RFX7: variants seen among roughly 807,000 people sequenced by gnomAD.
The protein encoded by RFX7 is regulatory factor X7, also known as DNA-binding protein RFX7.
RFX7 carries 26 observed loss-of-function variants against 111.8 expected under a neutral mutation model. The ratio of observed to expected loss-of-function variants is 0.23; its 90% confidence interval spans 0.17 to 0.32. The LOEUF is 0.32. Ranked by LOEUF, RFX7 falls within the 10% of genes least tolerant of loss-of-function variation. RFX7 has a pLI of 1.00. For missense variants in RFX7, 1,573 were observed against 1,772.9 expected, an observed-to-expected ratio of 0.89 and a Z score of 2.02; for synonymous variants, 624 against 624.4, an observed-to-expected ratio of 1.00 and a Z score of 0.01.
chr15:56,163,683 A>G (rs541458671), intron 3 of RFX7, among the ~76,000 whole-genome samples: 23 of 152,306 alleles, frequency 1.5e-4, no homozygotes, highest in African/African-American at 5.3e-4. Context: ...AGAAGGCAAC[A>G]TGTTTTACAC....
chr15:56,100,413 AG>A (rs1343441884), intron 8 of RFX7, among the ~76,000 whole-genome samples: 1 of 152,186 alleles, frequency 6.6e-6, no homozygotes, highest in Non-Finnish European at 1.5e-5. Context: ...ACAAAAGGAG[AG>A]GTTACACACA....
At chr15:56,190,341 G>C (rs1157167740) in intron 2 of RFX7, among the ~76,000 whole-genome samples, 3 of 152,110 alleles carry the variant, frequency 2.0e-5, no homozygotes, top group African/African-American at 7.2e-5. Flanking sequence ...CTGTACCCTT[G>C]GGTATGATTG....
intron 6 of RFX7, among the ~76,000 whole-genome samples, chr15:56,103,115 T>C (rs1228430601): frequency 6.7e-6 from 1 of 150,184 alleles, no homozygotes; most frequent in Non-Finnish European, 1.5e-5. Context: ...GTGTTTCTGT[T>C]AAAGTTCCAT....
intron 2 of RFX7, among the ~76,000 whole-genome samples, chr15:56,230,800 G>C (rs561891982): frequency 6.6e-6 from 1 of 152,282 alleles, no homozygotes; most frequent in East Asian, 1.9e-4. Flanking sequence ...CAATGATTAA[G>C]ATGTAATTAA....
intron 2 of RFX7, among the ~76,000 whole-genome samples, chr15:56,201,069 G>C (rs2141181254): frequency 6.6e-6 from 1 of 152,258 alleles, no homozygotes; most frequent in African/African-American, 2.4e-5. Flanking sequence ...GGCATATCCA[G>C]GTAATGGTGC....
chr15:56,144,296 A>C (rs2042439484), intron 4 of RFX7, 105 bp downstream of exon 4: 1 of 346,990 alleles, frequency 2.9e-6, no homozygotes. Flanking sequence ...TAATCATTTC[A>C]GGAATATTGC....
In RFX7 at chr15:56,117,664, T is replaced by C. The variant is rs139712607; in HGVS notation, c.402-13994A>G. ...TCCCAGCACCTAGTATCTTCTGTTC[T>C]ACCTTTTACTTCTGTGAAACGAACT... On this transcript the variant is annotated intron_variant, in intron 5 of 9. Coordinates refer to ENST00000559447, the MANE Select transcript of RFX7 (RefSeq NM_022841.7). Among the ~76,000 whole-genome samples the C allele has an allele frequency of 1.2e-3, 177 of 152,262 alleles. 1 individual carries two copies. The highest frequency in any genetic ancestry group is 4.1e-3 in the African/African-American group (169 of 41,562).
intron 2 of RFX7, among the ~76,000 whole-genome samples, chr15:56,186,214 C>T (rs2043036306): frequency 6.6e-6 from 1 of 152,144 alleles, no homozygotes; most frequent in African/African-American, 2.4e-5. Flanking sequence ...TCCTATTTCA[C>T]AGGTAAAAAT....
At chr15:56,227,548 T>G (rs2043498668) in intron 2 of RFX7, among the ~76,000 whole-genome samples, 1 of 152,208 alleles carries the variant, frequency 6.6e-6, no homozygotes, top group South Asian at 2.1e-4. Flanking sequence ...TTGGTTGCTC[T>G]AGAGTTTGCA....
At position 56,096,180 on chromosome 15, in the gene RFX7, G is replaced by A. The variant is rs762526837; in HGVS notation, c.1548C>T (p.Val516=). The change falls in exon 10 of 10, where the codon GTC becomes GTT. Residue 516 remains valine (V), a synonymous_variant. Coordinates refer to ENST00000559447, the MANE Select transcript of RFX7 (RefSeq NM_022841.7). ...RSVPQIKNGS[V]VSLQSPGSRS... Reference sequence around the variant, plus strand: ...TGGACCCAGGAGACTGAAGCGACACGACAGAACCATTCTTGATCTGTGGAA... The same window carrying A: ...TGGACCCAGGAGACTGAAGCGACACAACAGAACCATTCTTGATCTGTGGAA... 1.1e-5 allele frequency: 17 copies of A among 1,613,854 alleles called. No individual in the cohort carries two copies. The highest frequency in any genetic ancestry group is 3.3e-5 in the Admixed American group (2 of 59,998).
chr15:56,219,767 G>A (rs1357408381), intron 2 of RFX7, among the ~76,000 whole-genome samples: 1 of 152,158 alleles, frequency 6.6e-6, no homozygotes, highest in Non-Finnish European at 1.5e-5. Flanking sequence ...GTCTACCATG[G>A]ATTGTCATTT....
Position 56,095,166 on chromosome 15 carries a change from C to G in RFX7, c.2562G>C (p.Gln854His), listed in dbSNP as rs75413411. Residue 854 changes from glutamine to histidine, a missense_variant, in exon 10 of 10, where the codon CAG (glutamine) becomes CAC (histidine). Gln to His is a conservative substitution (Grantham distance 24). Coordinates refer to ENST00000559447, the MANE Select transcript of RFX7 (RefSeq NM_022841.7). ...CCTTCAGTTCAGATTGCAGAGGTAA[C>G]TGATCTGAAGAATGTGCTTGTATTT... Reference protein sequence around the residue: ...LNQIQAHSSDQLPLQSELKEF... With the variant: ...LNQIQAHSSDHLPLQSELKEF... The G allele has an allele frequency of 1.2e-6, 2 of 1,613,940 alleles. No individual in the cohort carries two copies. Among genetic ancestry groups the G allele is most frequent in the South Asian group, 2.2e-5 (2 of 91,076 alleles).
intron 5 of RFX7, among the ~76,000 whole-genome samples, chr15:56,105,136 G>A (rs2140533461): frequency 6.6e-6 from 1 of 152,276 alleles, no homozygotes; most frequent in South Asian, 2.1e-4. Flanking sequence ...CTTGACCCAT[G>A]TTGATTCCTC....
rs191448308 is a variant in RFX7 at position 56,095,113 on chromosome 15, T to C, written c.2615A>G (p.Asn872Ser). The C allele has an allele frequency of 1.9e-5, 30 of 1,613,920 alleles. No individual in the cohort carries two copies. In the East Asian group the frequency reaches 6.5e-4, roughly 35 times the overall value. ...KEFEPSVSQT[N>S]ESYFPFDDEL... ...ATCATCAAAAGGAAAGTAGCTTTCA[T>C]TTGTCTGGGAAACAGAAGGCTCAAA... Residue 872 changes from asparagine to serine, a missense_variant, in exon 10 of 10, where the codon AAT (asparagine) becomes AGT (serine). Physicochemically the swap from Asn to Ser is conservative, Grantham distance 46. Transcript: ENST00000559447.
At chr15:56,107,296 C>CA (rs56077181) in intron 5 of RFX7, among the ~76,000 whole-genome samples, 4,141 of 32,044 alleles carry the variant, frequency 0.13, 1,210 homozygotes, top group African/African-American at 0.33. Context: ...GACTCCGTCT[C>CA]AAAAAAAAAA....
intron 5 of RFX7, among the ~76,000 whole-genome samples, chr15:56,116,111 A>T (rs2042005983): frequency 6.6e-6 from 1 of 152,192 alleles, no homozygotes; most frequent in Non-Finnish European, 1.5e-5. Context: ...ATCCAATTAT[A>T]CTACACTTAG....
intron 5 of RFX7, among the ~76,000 whole-genome samples, chr15:56,105,204 G>C (rs1179478362): frequency 1.3e-5 from 2 of 152,080 alleles, no homozygotes; most frequent in African/African-American, 4.8e-5. Flanking sequence ...TATGATTTTT[G>C]AAAGGATCTC....
intron 2 of RFX7, among the ~76,000 whole-genome samples, chr15:56,217,135 T>C (rs2043370423): frequency 6.6e-6 from 1 of 152,236 alleles, no homozygotes; most frequent in Non-Finnish European, 1.5e-5. Context: ...TAGACACATA[T>C]GTACTATAAT....
rs2041550270 is a variant in RFX7, at chr15:56,088,152, A to T, written c.*5193T>A. 5.1e-6 allele frequency: 1 copy of T among 196,830 alleles called. No individual in the cohort carries two copies. The highest frequency in any genetic ancestry group is 1.1e-5 in the Non-Finnish European group (1 of 94,036). The allele number at this position is 196,830 out of a possible 1,614,324, so 12.2% of individuals were successfully genotyped here. A position where few individuals can be genotyped will look rare whatever the true frequency, so the allele number is the denominator to read the frequency against. Reference sequence around the variant, plus strand: ...AAATCAAACTCAATTCTAAATTTAAAACCAGAATGAAAATTTCAAAGAAGC... The same window carrying T: ...AAATCAAACTCAATTCTAAATTTAATACCAGAATGAAAATTTCAAAGAAGC... On this transcript the variant is annotated 3_prime_UTR_variant, in exon 10 of 10. Coordinates refer to ENST00000559447, the MANE Select transcript of RFX7 (RefSeq NM_022841.7).
Sources: allele counts gnomAD v4.1 joint callset (sites outside exome capture counted in the v4.1 genomes callset), GRCh38; gene constraint gnomAD v4.1.1; transcripts MANE v1.5; gene names NCBI Gene and HGNC (gene_info 2026-07-23, HGNC 2026-07-21).